The following GPC5 variants were observed in gnomAD, a reference collection of about 807,000 sequenced individuals.
GPC5 encodes glypican-5.
GPC5 carries 47 observed loss-of-function variants against 53.9 expected under a neutral mutation model. That is an observed-to-expected ratio of 0.87 (90% CI 0.69 to 1.11). GPC5 has a LOEUF of 1.11. Ranked by LOEUF, GPC5 falls within the 50% of genes most tolerant of loss-of-function variation. The pLI is 0.00. For synonymous variants in GPC5, 286 were observed against 263.3 expected, an observed-to-expected ratio of 1.09 and a Z score of -0.84; for missense variants, 748 against 713.1, an observed-to-expected ratio of 1.05 and a Z score of -0.56.
At chr13:92,782,799 G>A (rs985183813) in intron 7 of GPC5, among the ~76,000 whole-genome samples, 3 of 151,992 alleles carry the variant, frequency 2.0e-5, no homozygotes, top group Non-Finnish European at 4.4e-5. Context: ...CATATTAAAC[G>A]TGCCTGGGAT....
chr13:91,453,231 T>C (rs559672727), intron 2 of GPC5, among the ~76,000 whole-genome samples: 2 of 152,102 alleles, frequency 1.3e-5, no homozygotes, highest in Admixed American at 6.6e-5. Context: ...TGTAGGAATA[T>C]GCTTGAAATT....
intron 7 of GPC5, among the ~76,000 whole-genome samples, chr13:92,425,830 T>C (rs1876806986): frequency 1.3e-5 from 2 of 152,152 alleles, no homozygotes; most frequent in Non-Finnish European, 1.5e-5. Flanking sequence ...TTTTGTAGTT[T>C]ATATGTTATC....
At chr13:91,774,302 T>C (rs557137377) in intron 5 of GPC5, among the ~76,000 whole-genome samples, 5 of 152,282 alleles carry the variant, frequency 3.3e-5, no homozygotes, top group African/African-American at 9.6e-5. Context: ...TCTTGAAGAG[T>C]GTAAGCTGCT....
chr13:92,697,224 A>G (rs999888034), intron 7 of GPC5, among the ~76,000 whole-genome samples: 1 of 152,082 alleles, frequency 6.6e-6, no homozygotes, highest in Non-Finnish European at 1.5e-5. Context: ...ATTTTTTCCA[A>G]TTCTGTGAAG....
chr13:92,619,903 C>A (rs983984958), intron 7 of GPC5, among the ~76,000 whole-genome samples: 1 of 151,996 alleles, frequency 6.6e-6, no homozygotes, highest in African/African-American at 2.4e-5. Context: ...TATTGAATCA[C>A]TTGAATACTG....
At chr13:91,761,296 A>C (rs553072111) in intron 5 of GPC5, among the ~76,000 whole-genome samples, 73 of 152,270 alleles carry the variant, frequency 4.8e-4, no homozygotes, top group Non-Finnish European at 1.0e-3. Context: ...CTCTCAAACC[A>C]TGTTTTTCCT....
At chr13:91,878,353 T>C (rs903821674) in intron 5 of GPC5, among the ~76,000 whole-genome samples, 1 of 152,224 alleles carries the variant, frequency 6.6e-6, no homozygotes, top group African/African-American at 2.4e-5. Context: ...TACTTTTGTA[T>C]TCATTCTTTT....
intron 6 of GPC5, among the ~76,000 whole-genome samples, chr13:92,020,649 T>C (rs1001181082): frequency 6.6e-6 from 1 of 151,262 alleles, no homozygotes; most frequent in Admixed American, 6.7e-5. Context: ...AAATGTGTGT[T>C]CAAATCCTTA....
At chr13:91,925,126 G>A (rs2039755121) in intron 6 of GPC5, among the ~76,000 whole-genome samples, 1 of 151,592 alleles carries the variant, frequency 6.6e-6, no homozygotes. Context: ...GCCACTTCGT[G>A]GATTTTTAAC....
intron 2 of GPC5, among the ~76,000 whole-genome samples, chr13:91,599,142 A>G (rs2033094326): frequency 6.6e-6 from 1 of 152,122 alleles, no homozygotes; most frequent in South Asian, 2.1e-4. Context: ...TTGACTAGAC[A>G]TCTTTTTAAA....
chr13:91,587,045 A>G (rs1192527775), intron 2 of GPC5, among the ~76,000 whole-genome samples: 1 of 152,142 alleles, frequency 6.6e-6, no homozygotes, highest in Non-Finnish European at 1.5e-5. Flanking sequence ...AAATGTTTCA[A>G]TAGTATTTGT....
At chr13:92,413,338 A>T in intron 7 of GPC5, among the ~76,000 whole-genome samples, 1 of 152,220 alleles carries the variant, frequency 6.6e-6, no homozygotes, top group East Asian at 1.9e-4. Context: ...GGGTTGAAAC[A>T]GTTTGAAATA....
At position 92,103,787 on chromosome 13, in the gene GPC5, C is replaced by A. The variant is rs532079115; in HGVS notation, c.1402-41043C>A. Among the ~76,000 whole-genome samples, 5 of 152,282 alleles carry A rather than the reference C, an allele frequency of 3.3e-5. No individual in the cohort carries two copies. In the South Asian group the frequency reaches 1.0e-3, roughly 32 times the overall value. The stretch of plus-strand genomic sequence containing the variant: ...AGTTTACAACCCTTAGCCATAACTT[C>A]TTGCTTTGAGCCTCGAGGTCAGCCA... On this transcript the variant is annotated intron_variant, in intron 6 of 7. Transcript: ENST00000377067.
chr13:92,405,856 G>C (rs1875773848), intron 7 of GPC5, among the ~76,000 whole-genome samples: 1 of 152,166 alleles, frequency 6.6e-6, no homozygotes. Context: ...TAGTTAAGAA[G>C]AAGGTGACTG....
At chr13:92,393,215 A>G (rs994481266) in intron 7 of GPC5, among the ~76,000 whole-genome samples, 1 of 152,132 alleles carries the variant, frequency 6.6e-6, no homozygotes. Context: ...AATACTATGC[A>G]GCCATAAAAA....
At chr13:92,497,536 G>A (rs550101611) in intron 7 of GPC5, among the ~76,000 whole-genome samples, 8 of 152,236 alleles carry the variant, frequency 5.3e-5, no homozygotes, top group Admixed American at 1.3e-4. Context: ...GTCAGGTAGC[G>A]TGATGACTCC....
chr13:92,855,229 C>T (rs1389840080), intron 7 of GPC5, among the ~76,000 whole-genome samples: 2 of 151,878 alleles, frequency 1.3e-5, no homozygotes, highest in Non-Finnish European at 2.9e-5. Flanking sequence ...TTTGTTTCTT[C>T]TTGACTTCTA....
intron 6 of GPC5, among the ~76,000 whole-genome samples, chr13:92,077,991 A>G (rs1434969386): frequency 1.3e-5 from 2 of 152,098 alleles, no homozygotes; most frequent in East Asian, 3.9e-4. Flanking sequence ...ATATACATAC[A>G]TACATACAGG....
intron 3 of GPC5, among the ~76,000 whole-genome samples, chr13:91,720,055 T>A (rs1327437745): frequency 6.6e-6 from 1 of 152,202 alleles, no homozygotes; most frequent in Non-Finnish European, 1.5e-5. Flanking sequence ...TCAAATTATA[T>A]GAAACGAGGT....
Sources: allele counts gnomAD v4.1 joint callset (sites outside exome capture counted in the v4.1 genomes callset), GRCh38; gene constraint gnomAD v4.1.1; transcripts MANE v1.5; gene names NCBI Gene and HGNC (gene_info 2026-07-23, HGNC 2026-07-21).